ERBB3: variants seen among roughly 807,000 people sequenced by gnomAD.
ERBB3 encodes the protein erb-b2 receptor tyrosine kinase 3, also known as receptor tyrosine-protein kinase erbB-3.
Under a neutral mutation model 156.7 loss-of-function variants are expected in ERBB3, and 96 were observed. The ratio of observed to expected loss-of-function variants is 0.61; its 90% CI spans 0.52 to 0.73. ERBB3 has a LOEUF of 0.73. ERBB3 is among the 30% of genes least tolerant of loss of function. The pLI is 0.00. For missense variants in ERBB3, 1,406 were observed against 1,709.4 expected (o/e 0.82, Z 3.13); for synonymous variants, 567 against 632.0 (o/e 0.90, Z 1.54).
In ERBB3 at chr12:56,102,278, T is replaced by A. The variant is rs962111976; in HGVS notation, c.*223T>A. ...TCTCTTTCCCAACCCCAGGAAAGGT[T>A]TTCCTTATTTTGTGTGCTTTCCCAG... On this transcript the variant is annotated 3_prime_UTR_variant, in exon 28 of 28. Transcript: ENST00000267101. 1.1e-5 allele frequency: 6 copies of A among 558,808 alleles called. No homozygotes were observed. The highest frequency in any genetic ancestry group is 3.2e-6 in the Non-Finnish European group (1 of 312,696). 34.6% of individuals were successfully genotyped at this position (558,808 alleles called of 1,614,324 possible).
At chr12:56,085,339 G>A (rs1325752036) in intron 3 of ERBB3, 158 bp downstream of exon 3, 1 of 1,496,718 alleles carries the variant, frequency 6.7e-7, no homozygotes, top group East Asian at 2.4e-5. Context: ...AAGCAATAGA[G>A]GGCCCCCAGT....
rs1247424671 is a variant in ERBB3 at position 56,092,785 on chromosome 12, A to C, written c.1148A>C (p.Lys383Thr). Residue 383 changes from lysine to threonine, a missense_variant, in exon 10 of 28, where the codon AAG (lysine) becomes ACG (threonine). Physicochemically the swap from Lys to Thr is moderately conservative, Grantham distance 78. This residue lies in a region of ERBB3 where 979 missense variants were observed against 1,219.6 expected (regional missense o/e 0.80). Transcript: ENST00000267101. ...AAGATCCCTGCCCTGGACCCAGAGA[A>C]GCTCAATGTCTTCCGGACAGTACGG... is the stretch of plus-strand genomic sequence containing the variant. ...WHKIPALDPE[K>T]LNVFRTVREI... The C allele has an allele frequency of 1.9e-6, 3 of 1,614,048 alleles. No homozygotes were observed. The highest frequency in any genetic ancestry group is 1.7e-6 in the Non-Finnish European group (2 of 1,180,006).
In ERBB3 at chr12:56,087,796, G is replaced by A. The variant is rs2136793731; in HGVS notation, c.615G>A (p.Leu205=). The stretch of plus-strand genomic sequence containing the variant: ...GCCATGCTTTCTCTCCTTCCATAGT[G>A]ACCAAGACCATCTGTGCTCCTCAGT... ...WGPGSEDCQT[L]TKTICAPQCN... Residue 205 remains leucine (L), a splice_region_variant and synonymous_variant, in exon 6 of 28, where the codon TTG becomes TTA. Transcript: ENST00000267101. 1 of 1,613,542 alleles carries A rather than the reference G, an allele frequency of 6.2e-7. No individual in the cohort carries two copies. The highest frequency in any genetic ancestry group is 8.5e-7 in the Non-Finnish European group (1 of 1,179,574).
Position 56,096,779 on chromosome 12 carries a change from A to G in ERBB3, c.2207A>G (p.Lys736Arg). 1 of 1,614,016 alleles carries G rather than the reference A, an allele frequency of 6.2e-7. No homozygotes were observed. Among genetic ancestry groups the G allele is most frequent in the Non-Finnish European group, 8.5e-7 (1 of 1,179,948 alleles). ...GVWIPEGESI[K>R]IPVCIKVIED... ...TGGATCCCTGAGGGTGAATCAATCA[A>G]GATTCCAGTCTGCATTAAAGTCATT... The change falls in exon 19 of 28, where the codon AAG (lysine) becomes AGG (arginine). Residue 736 changes from lysine (K) to arginine (R), a missense_variant. Around this residue, in one of 3 missense-constraint regions of ERBB3, gnomAD observed 979 missense variants for 1,219.6 expected, o/e 0.80. Coordinates refer to ENST00000267101, the MANE Select transcript of ERBB3 (RefSeq NM_001982.4).
At chr12:56,092,898 A>G in intron 10 of ERBB3, 78 bp downstream of exon 10, 1 of 1,547,426 alleles carries the variant, frequency 6.5e-7, no homozygotes, top group Non-Finnish European at 8.9e-7. Flanking sequence ...TACTTGAGAA[A>G]ATCACGTCCC....
At position 56,097,956 on chromosome 12, in the gene ERBB3, G is replaced by A. The variant is rs76079275; in HGVS notation, c.2616+16G>A. 7 of 1,612,162 alleles carry A rather than the reference G, an allele frequency of 4.3e-6. No homozygotes were observed. Among genetic ancestry groups the A allele is most frequent in the African/African-American group, 4.0e-5 (3 of 74,858 alleles). ...TGAGGCCAAGGTGAGGAGACACAAA[G>A]GGTAAGGAGGCGGGGGTGGAGTGAA... On this transcript the variant is annotated intron_variant, in intron 21 of 27. Transcript: ENST00000267101.
chr12:56,093,627 A>G (rs1049163794), intron 12 of ERBB3, 77 bp downstream of exon 12: 1 of 1,552,662 alleles, frequency 6.4e-7, no homozygotes, highest in Non-Finnish European at 8.8e-7. Flanking sequence ...TCTGCCCTAG[A>G]CGTGGGAGTA....
intron 2 of ERBB3, 77 bp from the exon 3 acceptor site, chr12:56,084,918 A>T (rs1234103453): frequency 6.2e-7 from 1 of 1,607,612 alleles, no homozygotes; most frequent in Non-Finnish European, 8.5e-7. Flanking sequence ...AGAGTCTTTA[A>T]TGCCTGAAGG....
chr12:56,099,569 G>A, intron 23 of ERBB3, 79 bp from the exon 24 acceptor site: 1 of 1,240,876 alleles, frequency 8.1e-7, no homozygotes, highest in Non-Finnish European at 1.2e-6. Flanking sequence ...AAAGTGCTGG[G>A]ATTATAGGTG....
Position 56,095,300 on chromosome 12 carries a change from G to A in ERBB3, c.1903G>A (p.Val635Met), listed in dbSNP as rs141054346. The change falls in exon 16 of 28, where the codon GTG (valine) becomes ATG (methionine). Residue 635 changes from valine (V) to methionine (M), a missense_variant. Physicochemically the swap from Val to Met is conservative, Grantham distance 21. Transcript: ENST00000267101. ...TCAAGACTGTTTAGGACAAACACTG[G>A]TGCTGATCGGGTATGATGGGGTTGG... is the stretch of plus-strand genomic sequence containing the variant. ...ELQDCLGQTL[V>M]LIGKTHLTMA... 21 of 1,613,808 alleles carry A rather than the reference G, an allele frequency of 1.3e-5. No individual in the cohort carries two copies. The African/African-American group carries it at 2.5e-4, about 19-fold the overall frequency.
Position 56,094,146 on chromosome 12 carries a change from C to T in ERBB3, c.1661C>T (p.Pro554Leu), listed in dbSNP as rs370634710. ...GAGGCCGAATGCTTCTCCTGCCACCCGGAATGCCAACCCATGGAGGGCACT... is the reference window on the plus strand; with the variant it reads ...GAGGCCGAATGCTTCTCCTGCCACCTGGAATGCCAACCCATGGAGGGCACT... Reference protein sequence around the residue: ...AHEAECFSCHPECQPMEGTAT... With the variant: ...AHEAECFSCHLECQPMEGTAT... Residue 554 changes from proline to leucine, a missense_variant, in exon 14 of 28, where the codon CCG (proline) becomes CTG (leucine). Physicochemically the swap from Pro to Leu is moderately conservative, Grantham distance 98. Transcript: ENST00000267101. The T allele has an allele frequency of 4.2e-5, 68 of 1,613,918 alleles. No homozygotes were observed. Among genetic ancestry groups the T allele is most frequent in the Admixed American group, 6.7e-5 (4 of 59,976 alleles).
At chr12:56,081,689 G>T (rs1354757671) in intron 1 of ERBB3, among the ~76,000 whole-genome samples, 1 of 152,078 alleles carries the variant, frequency 6.6e-6, no homozygotes, top group Non-Finnish European at 1.5e-5. Flanking sequence ...GGCATGGTTG[G>T]GTCTCTTTAC....
intron 13 of ERBB3, 26 bp downstream of exon 13, chr12:56,093,922 A>C: frequency 1.2e-6 from 1 of 846,148 alleles, no homozygotes; most frequent in South Asian, 1.3e-5. Flanking sequence ...CCAGTCAAGG[A>C]TGGGTGGGGG....
At position 56,098,520 on chromosome 12, in the gene ERBB3, C is replaced by T; in HGVS notation, c.2637C>T (p.Ala879=). 2 of 1,613,138 alleles carry T rather than the reference C, an allele frequency of 1.2e-6. No homozygotes were observed. Among genetic ancestry groups the T allele is most frequent in the Non-Finnish European group, 1.7e-6 (2 of 1,179,094 alleles). Residue 879 remains alanine, a synonymous_variant, in exon 22 of 28, where the codon GCC becomes GCT. Coordinates refer to ENST00000267101, the MANE Select transcript of ERBB3 (RefSeq NM_001982.4). ...CGCAGACTCCAATTAAGTGGATGGCCCTTGAGAGTATCCACTTTGGGAAAT... is the reference window on the plus strand; with the variant it reads ...CGCAGACTCCAATTAAGTGGATGGCTCTTGAGAGTATCCACTTTGGGAAAT... ...SEAKTPIKWM[A]LESIHFGKYT...
At chr12:56,081,428 C>T (rs1242367504) in intron 1 of ERBB3, among the ~76,000 whole-genome samples, 2 of 152,204 alleles carry the variant, frequency 1.3e-5, no homozygotes, top group Non-Finnish European at 2.9e-5. Flanking sequence ...TTGGCACAGC[C>T]AGGGCCCCTT....
intron 9 of ERBB3, among the ~76,000 whole-genome samples, chr12:56,090,360 A>G (rs1009106570): frequency 7.2e-5 from 11 of 152,036 alleles, no homozygotes; most frequent in Admixed American, 2.0e-4. Flanking sequence ...GGCCGGGCAC[A>G]GTGGCTCATG....
chr12:56,093,706 A>G, intron 12 of ERBB3, 58 bp from the exon 13 acceptor site: 1 of 1,609,748 alleles, frequency 6.2e-7, no homozygotes, highest in Non-Finnish European at 8.5e-7. Context: ...AGAATAATGA[A>G]GAGAGGGCTT....
chr12:56,086,999 G>A (rs909621939), intron 4 of ERBB3, among the ~76,000 whole-genome samples: 5 of 151,900 alleles, frequency 3.3e-5, no homozygotes, highest in African/African-American at 1.2e-4. Context: ...TCAGACAGGC[G>A]TAGTGGCTCG....
rs1868429192 is a variant in ERBB3, at chr12:56,085,029, C to T, written c.269C>T (p.Ala90Val). 1 of 1,613,966 alleles carries T rather than the reference C, an allele frequency of 6.2e-7. No homozygotes were observed. The highest frequency in any genetic ancestry group is 1.7e-5 in the Admixed American group (1 of 59,996). The change falls in exon 3 of 28, where the codon GCC becomes GTC. Residue 90 changes from alanine (A) to valine (V), a missense_variant. Ala to Val is a moderately conservative substitution (Grantham distance 64). This residue lies in a region of ERBB3 where 979 missense variants were observed against 1,219.6 expected (regional missense o/e 0.80). Coordinates refer to ENST00000267101, the MANE Select transcript of ERBB3 (RefSeq NM_001982.4). ...IREVTGYVLV[A>V]MNEFSTLPLP... ...GAAGTGACAGGCTATGTCCTCGTGG[C>T]CATGAATGAATTCTCTACTCTACCA...
Sources: gnomAD v4.1 joint callset for allele counts (sites outside exome capture counted in the v4.1 genomes callset) on GRCh38, gnomAD v4.1.1 for gene constraint, gnomAD v4.1.1 regional missense constraint, MANE v1.5 for transcripts, NCBI Gene and HGNC (gene_info 2026-07-23, HGNC 2026-07-21) for gene names.